The following CACNG8 variants were observed in gnomAD, a reference collection of about 807,000 sequenced individuals.
CACNG8 encodes voltage-dependent calcium channel gamma-8 subunit.
Under a neutral mutation model 26.9 loss-of-function variants are expected in CACNG8, and 5 were observed. That is an observed-to-expected ratio of 0.19 (90% CI 0.10 to 0.39). The LOEUF (loss-of-function observed/expected upper bound fraction) is 0.39, where lower values mean the gene tolerates loss of function less well. Among genes scored for constraint, CACNG8 ranks in the 10% least tolerant of loss-of-function variants. The pLI is 1.00. For missense variants in CACNG8, 473 were observed against 609.4 expected (o/e 0.78, Z 2.36); for synonymous variants, 321 against 296.7 (o/e 1.08, Z -0.84).
chr19:53,967,272 A>G (rs1468498223), intron 1 of CACNG8, among the ~76,000 whole-genome samples: 1 of 152,164 alleles, frequency 6.6e-6, no homozygotes, highest in Non-Finnish European at 1.5e-5. Context: ...ATAAGATGAA[A>G]CAGCAGCTGT....
intron 1 of CACNG8, among the ~76,000 whole-genome samples, chr19:53,965,167 C>T (rs1396247679): frequency 1.3e-5 from 2 of 152,172 alleles, no homozygotes; most frequent in African/African-American, 2.4e-5. Context: ...TTCACAGATG[C>T]GCTCTGTCTA....
At chr19:53,972,021 G>A (rs994578967) in intron 1 of CACNG8, among the ~76,000 whole-genome samples, 3 of 152,064 alleles carry the variant, frequency 2.0e-5, no homozygotes, top group African/African-American at 7.2e-5. Flanking sequence ...GTCTCTCTCT[G>A]TCCCCCAGGC....
intron 2 of CACNG8, among the ~76,000 whole-genome samples, chr19:53,978,433 C>T (rs893106295): frequency 6.6e-6 from 1 of 152,160 alleles, no homozygotes; most frequent in African/African-American, 2.4e-5. Context: ...CCCCTCCTCT[C>T]ACCTTGGGGC....
intron 3 of CACNG8, 103 bp downstream of exon 3, chr19:53,980,110 G>C (rs904255831): frequency 1.6e-6 from 2 of 1,263,662 alleles, no homozygotes; most frequent in Non-Finnish European, 2.1e-6. Context: ...GAGTGCAAGT[G>C]CGCGTTCGTG....
At position 53,967,705 on chromosome 19, in the gene CACNG8, C is replaced by T. The variant is rs1263647072; in HGVS notation, c.283+4280C>T. ...CGAAAATTAGCCAGGCGTGGTGGCA[C>T]GCGCCTGTAGTCCCAGCTACTTGGT... On this transcript the variant is annotated intron_variant, in intron 1 of 3. Coordinates refer to ENST00000270458, the MANE Select transcript of CACNG8 (RefSeq NM_031895.6). 5.3e-5 allele frequency among the ~76,000 whole-genome samples: 8 copies of T among 152,160 alleles called. 1 individual carries two copies. The South Asian group carries it at 6.2e-4, about 12-fold the overall frequency.
intron 1 of CACNG8, among the ~76,000 whole-genome samples, chr19:53,968,893 G>A (rs2069286508): frequency 6.6e-6 from 1 of 152,008 alleles, no homozygotes; most frequent in South Asian, 2.1e-4. Flanking sequence ...GGAAGTTAGC[G>A]TTTCAAGGAG....
At chr19:53,968,636 C>T (rs1301947177) in intron 1 of CACNG8, among the ~76,000 whole-genome samples, 3 of 151,742 alleles carry the variant, frequency 2.0e-5, no homozygotes, top group African/African-American at 4.8e-5. Context: ...GGCGTGGTGG[C>T]GTGTACCTAT....
rs141141238 is a variant in CACNG8, at chr19:53,967,925, T to C, written c.283+4500T>C. On this transcript the variant is annotated intron_variant, in intron 1 of 3. Coordinates refer to ENST00000270458, the MANE Select transcript of CACNG8 (RefSeq NM_031895.6). Reference sequence around the variant, plus strand: ...CATTTTCTCAATCATTAAAAACACATAAAACCCATTCTTAGCTGGATTTGG... The same window carrying C: ...CATTTTCTCAATCATTAAAAACACACAAAACCCATTCTTAGCTGGATTTGG... Among the ~76,000 whole-genome samples the C allele has an allele frequency of 2.0e-5, 3 of 152,268 alleles. No homozygotes were observed. In the East Asian group the frequency reaches 5.8e-4, roughly 29 times the overall value.
Position 53,963,217 on chromosome 19 carries a change from G to T in CACNG8, c.75G>T (p.Thr25=), listed in dbSNP as rs1485453616. The T allele has an allele frequency of 2.5e-6, 4 of 1,607,478 alleles. No individual in the cohort carries two copies. Among genetic ancestry groups the T allele is most frequent in the Non-Finnish European group, 3.4e-6 (4 of 1,177,916 alleles). ...AGGGGGTGCAGGTGCTGCTGACGAC[G>T]GTGGGCGCCTTCGCCGCCTTCGGCC... The change falls in exon 1 of 4, where the codon ACG becomes ACT. Residue 25 remains threonine, a synonymous_variant. Transcript: ENST00000270458.
chr19:53,967,248 T>G (rs2069276691), intron 1 of CACNG8, among the ~76,000 whole-genome samples: 1 of 152,154 alleles, frequency 6.6e-6, no homozygotes, highest in Non-Finnish European at 1.5e-5. Flanking sequence ...CTCCTGAGAA[T>G]AGGGGAGCCA....
At chr19:53,976,674 TC>T (rs199843304) in intron 1 of CACNG8, among the ~76,000 whole-genome samples, 3 of 147,708 alleles carry the variant, frequency 2.0e-5, no homozygotes, top group African/African-American at 7.6e-5. Flanking sequence ...TTTCTCTCTC[TC>T]TTTTTTTTTT....
At position 53,984,649 on chromosome 19, in the gene CACNG8, G is replaced by C. The variant is rs1355409298; in HGVS notation, c.*1800G>C. On this transcript the variant is annotated 3_prime_UTR_variant, in exon 4 of 4. Transcript: ENST00000270458. Reference sequence around the variant, plus strand: ...AGGCCGGGAAAGTAGCCACAAGCTAGAGTGTAAAGGTACCAGGGTGGCCGG... The same window carrying C: ...AGGCCGGGAAAGTAGCCACAAGCTACAGTGTAAAGGTACCAGGGTGGCCGG... 6.6e-6 allele frequency: 1 copy of C among 152,488 alleles called. No homozygotes were observed. Among genetic ancestry groups the C allele is most frequent in the Admixed American group, 6.5e-5 (1 of 15,288 alleles). 9.4% of individuals were successfully genotyped at this position (152,488 alleles called of 1,614,324 possible).
Position 53,983,014 on chromosome 19 carries a change from A to T in CACNG8, c.*165A>T. The T allele has an allele frequency of 1.2e-5, 3 of 251,550 alleles. No individual in the cohort carries two copies. The highest frequency in any genetic ancestry group is 2.0e-5 in the Non-Finnish European group (3 of 147,854). 15.6% of individuals were successfully genotyped at this position (251,550 alleles called of 1,614,324 possible). ...CCCCGCCCCCCTCCCCCTCCGAAGC[A>T]GGGACCCCGAGGGAGGGGGCAGGGG... is the stretch of plus-strand genomic sequence containing the variant. On this transcript the variant is annotated 3_prime_UTR_variant, in exon 4 of 4. Transcript: ENST00000270458.
intron 1 of CACNG8, among the ~76,000 whole-genome samples, chr19:53,964,150 C>T (rs1304879671): frequency 6.6e-6 from 1 of 151,996 alleles, no homozygotes; most frequent in Non-Finnish European, 1.5e-5. Context: ...CTCCTCCGCT[C>T]CACCTGCCCC....
At chr19:53,966,981 CA>C (rs1189742628) in intron 1 of CACNG8, among the ~76,000 whole-genome samples, 3 of 152,068 alleles carry the variant, frequency 2.0e-5, no homozygotes, top group Non-Finnish European at 4.4e-5. Context: ...AGAGAAGAGC[CA>C]GGGGCGTCTC....
chr19:53,977,052 C>G (rs907417848), intron 1 of CACNG8, among the ~76,000 whole-genome samples: 22 of 152,218 alleles, frequency 1.4e-4, no homozygotes, highest in Admixed American at 1.4e-3. Flanking sequence ...AATCGGACTC[C>G]CATGCCCTAC....
chr19:53,966,687 C>T (rs900453930), intron 1 of CACNG8, among the ~76,000 whole-genome samples: 11 of 152,212 alleles, frequency 7.2e-5, no homozygotes, highest in Non-Finnish European at 8.8e-5. Context: ...AGCCACTGCA[C>T]CCGGCCTCAC....
At chr19:53,978,256 G>A in intron 2 of CACNG8, 27 bp downstream of exon 2, 1 of 1,589,066 alleles carries the variant, frequency 6.3e-7, no homozygotes. Context: ...GACAGACGTG[G>A]GGAGTGGGTC....
chr19:53,965,430 T>C (rs2069266971), intron 1 of CACNG8, among the ~76,000 whole-genome samples: 1 of 152,016 alleles, frequency 6.6e-6, no homozygotes. Context: ...TGATGTTCTT[T>C]GCCTCTCCTG....
Sources: allele counts gnomAD v4.1 joint callset (sites outside exome capture counted in the v4.1 genomes callset), GRCh38; gene constraint gnomAD v4.1.1; transcripts MANE v1.5; gene names NCBI Gene and HGNC (gene_info 2026-07-23, HGNC 2026-07-21).